VAX2: variants seen among roughly 807,000 people sequenced by gnomAD.
VAX2 encodes the protein ventral anterior homeobox 2.
A neutral mutation model predicts 12.5 loss-of-function variants in VAX2; 8 were observed. The ratio of observed to expected loss-of-function variants is 0.64; its 90% CI spans 0.37 to 1.15. The LOEUF (loss-of-function observed/expected upper bound fraction) is 1.15. Ranked by LOEUF, VAX2 falls within the 50% of genes most tolerant of loss-of-function variation. VAX2 has a pLI of 0.01. For missense variants in VAX2, 476 were observed against 412.9 expected (o/e 1.15, Z -1.32); for synonymous variants, 183 against 187.6 (o/e 0.98, Z 0.20).
rs1019761438 is a variant in VAX2 at position 70,909,764 on chromosome 2, G to A, written c.247+8896G>A. On this transcript the variant is annotated intron_variant, in intron 1 of 2. Transcript: ENST00000234392. ...CTTTTTAACCACTGTATAGGATTCC[G>A]TTATGTAGATATCATATAACTTATT... 4.6e-5 allele frequency among the ~76,000 whole-genome samples: 7 copies of A among 152,136 alleles called. No homozygotes were observed. In the East Asian group the frequency reaches 7.7e-4, roughly 17 times the overall value.
At chr2:70,910,341 A>G (rs1372422675) in intron 1 of VAX2, among the ~76,000 whole-genome samples, 4 of 152,166 alleles carry the variant, frequency 2.6e-5, no homozygotes, top group Non-Finnish European at 4.4e-5. Flanking sequence ...TTTTACATAT[A>G]CATGGTATGA....
intron 1 of VAX2, among the ~76,000 whole-genome samples, chr2:70,902,734 T>A (rs1572884337): frequency 6.6e-6 from 1 of 152,282 alleles, no homozygotes; most frequent in East Asian, 1.9e-4. Context: ...GAAGTGGAAT[T>A]CAAAAGTGAC....
At chr2:70,910,836 ACTTT>A (rs1353526368) in intron 1 of VAX2, among the ~76,000 whole-genome samples, 3 of 149,738 alleles carry the variant, frequency 2.0e-5, no homozygotes, top group African/African-American at 7.5e-5. Context: ...GCAACAAAAA[ACTTT>A]CTTTGTGGGA....
intron 2 of VAX2, among the ~76,000 whole-genome samples, chr2:70,923,226 C>A (rs1679498564): frequency 1.3e-5 from 2 of 152,136 alleles, no homozygotes; most frequent in African/African-American, 4.8e-5. Flanking sequence ...TTCCTCTGTC[C>A]CCAGTCCTAG....
At chr2:70,906,919 C>T (rs143356767) in intron 1 of VAX2, among the ~76,000 whole-genome samples, 1 of 152,294 alleles carries the variant, frequency 6.6e-6, no homozygotes, top group East Asian at 1.9e-4. Context: ...AGGAGGTGGT[C>T]ACTGTGCCCA....
chr2:70,929,694 A>AAAAC (rs1679652299), intron 2 of VAX2, among the ~76,000 whole-genome samples: 2 of 151,978 alleles, frequency 1.3e-5, no homozygotes, highest in African/African-American at 4.8e-5. Context: ...CTCAAAAAAA[A>AAAAC]AAAACAATGT....
In VAX2 at chr2:70,933,122, T is replaced by G; in HGVS notation, c.791T>G (p.Leu264Arg). ...CTGGATCTGCCTGCCGGCTACGAACTGGGTTCCTCGGCCTTCGAGCCATAC... is the reference window on the plus strand; with the variant it reads ...CTGGATCTGCCTGCCGGCTACGAACGGGGTTCCTCGGCCTTCGAGCCATAC... ...PLLDLPAGYE[L>R]GSSAFEPYSW... Residue 264 changes from leucine to arginine, a missense_variant, in exon 3 of 3, where the codon CTG becomes CGG. Transcript: ENST00000234392. The G allele has an allele frequency of 6.2e-7, 1 of 1,607,164 alleles. No individual in the cohort carries two copies. Among genetic ancestry groups the G allele is most frequent in the Non-Finnish European group, 8.5e-7 (1 of 1,177,236 alleles).
At chr2:70,917,626 G>T (rs1245175251) in intron 1 of VAX2, among the ~76,000 whole-genome samples, 4 of 152,054 alleles carry the variant, frequency 2.6e-5, no homozygotes, top group Non-Finnish European at 5.9e-5. Flanking sequence ...CATTTTTCAT[G>T]TGCTTATTTG....
chr2:70,906,922 T>C (rs1679075424), intron 1 of VAX2, among the ~76,000 whole-genome samples: 1 of 152,226 alleles, frequency 6.6e-6, no homozygotes. Context: ...AGGTGGTCAC[T>C]GTGCCCACCA....
rs782147838 is a variant in VAX2, at chr2:70,932,922, C to A, written c.591C>A (p.Ala197=). 2 of 1,613,096 alleles carry A rather than the reference C, an allele frequency of 1.2e-6. No individual in the cohort carries two copies. The change falls in exon 3 of 3, where the codon GCC becomes GCA. Residue 197 remains alanine, a synonymous_variant. Transcript: ENST00000234392. ...GCCGGCTGCTCTCTGTGCCCAGGGC[C>A]CCTAGCCTCCTGGCGCTGACCCCTA... ...EQGRLLSVPR[A]PSLLALTPSL...
chr2:70,917,195 G>T (rs1054942804), intron 1 of VAX2, among the ~76,000 whole-genome samples: 6 of 150,812 alleles, frequency 4.0e-5, no homozygotes, highest in Non-Finnish European at 7.4e-5. Context: ...GGTGGCAGGT[G>T]CCTGTAACCC....
At chr2:70,931,768 G>A (rs1190896914) in intron 2 of VAX2, among the ~76,000 whole-genome samples, 3 of 152,354 alleles carry the variant, frequency 2.0e-5, no homozygotes, top group African/African-American at 7.2e-5. Flanking sequence ...CAGCACTCCA[G>A]GCCCAAGAAG....
In VAX2 at chr2:70,904,327, G is replaced by A. The variant is rs1254924998; in HGVS notation, c.247+3459G>A. ...GCAGTGGCCGAGCACCAGGCTTTTC[G>A]GTGGAGCTGGGATACCAGCAGGCAG... On this transcript the variant is annotated intron_variant, in intron 1 of 2. Transcript: ENST00000234392. This position sits in a 1 kb window ranked among gnomAD's most constrained non-coding sequence, Gnocchi z 4.2. Among the ~76,000 whole-genome samples, 1 of 152,194 alleles carries A rather than the reference G, an allele frequency of 6.6e-6. No individual in the cohort carries two copies. The highest frequency in any genetic ancestry group is 1.5e-5 in the Non-Finnish European group (1 of 68,040).
rs537419945 is a variant in VAX2, at chr2:70,933,013, C to G, written c.682C>G (p.Arg228Gly). The stretch of plus-strand genomic sequence containing the variant: ...AGGTGACCCCAGGAACTCCTCCCCA[C>G]GCCTCAACCCGCTGTCCTCGGCCTC... ...SLGDPRNSSP[R>G]LNPLSSASAS... The change falls in exon 3 of 3, where the codon CGC (arginine) becomes GGC (glycine). Residue 228 changes from arginine to glycine, a missense_variant. Physicochemically the swap from Arg to Gly is moderately radical, Grantham distance 125. Transcript: ENST00000234392. 1.3e-6 allele frequency: 2 copies of G among 1,597,292 alleles called. No homozygotes were observed. Among genetic ancestry groups the G allele is most frequent in the Non-Finnish European group, 1.7e-6 (2 of 1,171,094 alleles).
intron 1 of VAX2, among the ~76,000 whole-genome samples, chr2:70,919,273 A>G (rs1031627645): frequency 1.3e-5 from 2 of 152,042 alleles, no homozygotes; most frequent in African/African-American, 4.8e-5. Context: ...CGGTGTTTCA[A>G]GAGTTTCTTG....
intron 1 of VAX2, among the ~76,000 whole-genome samples, chr2:70,914,475 G>A (rs1211726397): frequency 6.6e-6 from 1 of 152,046 alleles, no homozygotes; most frequent in Non-Finnish European, 1.5e-5. Flanking sequence ...AATAATTGGA[G>A]CAAAAGTTAT....
rs1223996478 is a variant in VAX2, at chr2:70,921,288, A to G, written c.435+3A>G. On this transcript the variant is annotated splice_donor_region_variant and intron_variant, in intron 2 of 2. Coordinates refer to ENST00000234392, the MANE Select transcript of VAX2 (RefSeq NM_012476.3). ...AGCTGAACCTCTCCGAGACCCAGGTAAGAGACCAGGGCCAGGCCACTCCAC... is the reference window on the plus strand; with the variant it reads ...AGCTGAACCTCTCCGAGACCCAGGTGAGAGACCAGGGCCAGGCCACTCCAC... 6.2e-7 allele frequency: 1 copy of G among 1,605,576 alleles called. No homozygotes were observed. The highest frequency in any genetic ancestry group is 1.3e-5 in the African/African-American group (1 of 74,406).
Position 70,933,000 on chromosome 2 carries a change from G to A in VAX2, c.669G>A (p.Arg223=). The A allele has an allele frequency of 6.2e-7, 1 of 1,603,722 alleles. No homozygotes were observed. Among genetic ancestry groups the A allele is most frequent in the Middle Eastern group, 1.7e-4 (1 of 6,012 alleles). The change falls in exon 3 of 3, where the codon AGG becomes AGA. Residue 223 remains arginine (R), a synonymous_variant. Transcript: ENST00000234392. ...GGGGCACCTCCTTAGGTGACCCCAGGAACTCCTCCCCACGCCTCAACCCGC... is the reference window on the plus strand; with the variant it reads ...GGGGCACCTCCTTAGGTGACCCCAGAAACTCCTCCCCACGCCTCAACCCGC... ...SHRGTSLGDP[R]NSSPRLNPLS...
rs1477509209 is a variant in VAX2, at chr2:70,904,766, G to A, written c.247+3898G>A. ...ATGGCTGGGGGCTGAGGGGACGCGT[G>A]AAGCCCAGGCCTCTTGCTTGGGCTG... On this transcript the variant is annotated intron_variant, in intron 1 of 2. Coordinates refer to ENST00000234392, the MANE Select transcript of VAX2 (RefSeq NM_012476.3). The surrounding 1 kb of genome is among the most constrained non-coding windows in gnomAD (Gnocchi z 4.2). Among the ~76,000 whole-genome samples, 1 of 152,238 alleles carries A rather than the reference G, an allele frequency of 6.6e-6. No homozygotes were observed. The highest frequency in any genetic ancestry group is 1.5e-5 in the Non-Finnish European group (1 of 68,046).
Sources: gnomAD v4.1 joint callset for allele counts (sites outside exome capture counted in the v4.1 genomes callset) on GRCh38, gnomAD v4.1.1 for gene constraint, Gnocchi (gnomAD v3.1) non-coding constraint, MANE v1.5 for transcripts, NCBI Gene and HGNC (gene_info 2026-07-23, HGNC 2026-07-21) for gene names.